MYO5B: variants seen among roughly 807,000 people sequenced by gnomAD.
MYO5B encodes the protein unconventional myosin-Vb.
MYO5B carries 143 observed loss-of-function variants against 229.3 expected under a neutral mutation model. That is an observed-to-expected ratio of 0.62 (90% CI 0.54 to 0.72). The LOEUF is 0.72. Among genes scored for constraint, MYO5B ranks in the 30% least tolerant of loss-of-function variants. The pLI is 0.00. For synonymous variants in MYO5B, 918 were observed against 885.2 expected, an observed-to-expected ratio of 1.04 and a Z score of -0.66; for missense variants, 2,321 against 2,331.0, an observed-to-expected ratio of 1.00 and a Z score of 0.09.
intron 14 of MYO5B, among the ~76,000 whole-genome samples, chr18:49,939,148 C>CTTTTTTTTTT (rs11313115): frequency 1.4e-4 from 17 of 119,044 alleles, no homozygotes; most frequent in East Asian, 4.7e-4. Context: ...TCTTTTTTTT[C>CTTTTTTTTTT]TTTTTTTTTT....
intron 39 of MYO5B, among the ~76,000 whole-genome samples, chr18:49,829,498 G>T (rs9950598): frequency 0.025 from 3,770 of 152,246 alleles, 142 homozygotes; most frequent in South Asian, 0.12. Flanking sequence ...CCCAAGATGG[G>T]CTTCACTGGT....
At chr18:49,901,382 G>A (rs914330056) in intron 21 of MYO5B, among the ~76,000 whole-genome samples, 5 of 152,170 alleles carry the variant, frequency 3.3e-5, no homozygotes, top group East Asian at 3.8e-4. Flanking sequence ...TGCTTGTCTC[G>A]AATCTCTTGT....
At chr18:50,124,578 C>T (rs138782815) in intron 1 of MYO5B, among the ~76,000 whole-genome samples, 1 of 151,956 alleles carries the variant, frequency 6.6e-6, no homozygotes, top group Admixed American at 6.6e-5. Flanking sequence ...AGAATAATAC[C>T]CTGTAACTAG....
chr18:50,122,643 G>A (rs1437209446), intron 1 of MYO5B, among the ~76,000 whole-genome samples: 15 of 2,788 alleles, frequency 5.4e-3, no homozygotes, highest in Non-Finnish European at 0.028. Context: ...GGGAGAGAGA[G>A]AGAGAGAGAG....
At chr18:50,046,281 A>C (rs1414200458) in intron 2 of MYO5B, among the ~76,000 whole-genome samples, 1 of 152,164 alleles carries the variant, frequency 6.6e-6, no homozygotes, top group Non-Finnish European at 1.5e-5. Context: ...GATAACCTAC[A>C]TCCCATCCCA....
intron 14 of MYO5B, among the ~76,000 whole-genome samples, chr18:49,952,128 C>T (rs56984587): frequency 0.13 from 19,675 of 152,222 alleles, 1,373 homozygotes; most frequent in South Asian, 0.22. Flanking sequence ...CTAAACCCCT[C>T]ACCACGTGAT....
In MYO5B at chr18:50,001,991, G is replaced by A. The variant is rs139751844; in HGVS notation, c.456-580C>T. Among the ~76,000 whole-genome samples the A allele has an allele frequency of 5.1e-4, 74 of 143,958 alleles. 1 individual carries two copies. The East Asian group carries it at 0.014, about 28-fold the overall frequency. The allele number at this position is 143,958 out of a possible 152,430, so 94.4% of individuals were successfully genotyped here. A position where few individuals can be genotyped will look rare whatever the true frequency, so the allele number is the denominator to read the frequency against. On this transcript the variant is annotated intron_variant, in intron 4 of 39. Coordinates refer to ENST00000285039, the MANE Select transcript of MYO5B (RefSeq NM_001080467.3). The stretch of plus-strand genomic sequence containing the variant: ...GCAGAGGTTGCAGTGAGCCGAGATC[G>A]TGCCACTGCACTCCAGCGTGGGCAA...
chr18:49,946,951 C>T (rs566366494), intron 14 of MYO5B, among the ~76,000 whole-genome samples: 64 of 145,628 alleles, frequency 4.4e-4, no homozygotes, highest in African/African-American at 1.6e-3. Context: ...GGGCTGTAGA[C>T]ATCCGCAAAA....
chr18:49,970,436 T>G (rs891690160), intron 10 of MYO5B, among the ~76,000 whole-genome samples: 1 of 152,148 alleles, frequency 6.6e-6, no homozygotes, highest in Non-Finnish European at 1.5e-5. Flanking sequence ...ACCACAGTCA[T>G]GGTGGAAGCA....
intron 1 of MYO5B, among the ~76,000 whole-genome samples, chr18:50,168,728 C>CA (rs2032888785): frequency 1.6e-5 from 2 of 127,032 alleles, no homozygotes; most frequent in African/African-American, 6.0e-5. Context: ...CTTAAGTGTC[C>CA]AAAACACTCA....
At chr18:49,919,601 C>T (rs779400845) in intron 17 of MYO5B, among the ~76,000 whole-genome samples, 2 of 152,136 alleles carry the variant, frequency 1.3e-5, no homozygotes, top group Non-Finnish European at 2.9e-5. Flanking sequence ...ATCAGGAAAA[C>T]GCCAATCAAA....
At chr18:50,036,705 G>T in intron 4 of MYO5B, 145 bp downstream of exon 4, 1 of 904,824 alleles carries the variant, frequency 1.1e-6, no homozygotes, top group East Asian at 2.6e-5. Flanking sequence ...GTAGGCAGTA[G>T]AACTTGGGCT....
At chr18:49,840,337 T>A (rs1415312024) in intron 35 of MYO5B, 1 of 152,266 alleles carries the variant, frequency 6.6e-6, no homozygotes. Flanking sequence ...TCTTTAACCT[T>A]TGGCCCATCT....
intron 2 of MYO5B, among the ~76,000 whole-genome samples, chr18:50,053,632 G>T (rs2030463021): frequency 1.3e-5 from 2 of 150,960 alleles, no homozygotes; most frequent in Admixed American, 1.3e-4. Context: ...GCTAGCGAAA[G>T]CTGCCTACTA....
intron 1 of MYO5B, among the ~76,000 whole-genome samples, chr18:50,057,679 C>A (rs944355692): frequency 6.6e-6 from 1 of 152,170 alleles, no homozygotes; most frequent in Non-Finnish European, 1.5e-5. Context: ...ACTGAGAGCA[C>A]CTGGTAGGCA....
chr18:49,843,269 G>A lies in MYO5B; in HGVS notation c.4583C>T (p.Thr1528Ile), dbSNP rs2024082749. The change falls in exon 34 of 40, where the codon ACC becomes ATC. Residue 1528 changes from threonine (T) to isoleucine (I), a missense_variant. Physicochemically the swap from Thr to Ile is moderately conservative, Grantham distance 89 (BLOSUM62 -1). Around this residue, in one of 2 missense-constraint regions of MYO5B, gnomAD observed 2,113 missense variants for 2,044.7 expected, o/e 1.03. Coordinates refer to ENST00000285039, the MANE Select transcript of MYO5B (RefSeq NM_001080467.3). ...DLKVHSLLTS[T>I]INGIKKVLKK... ...CAGGACTTTCTTAATGCCGTTGATG[G>A]TGGAGGTCAGCAGGGAGTGCACCTT... is the stretch of plus-strand genomic sequence containing the variant. 6.2e-7 allele frequency: 1 copy of A among 1,614,172 alleles called. No homozygotes were observed. Among genetic ancestry groups the A allele is most frequent in the African/African-American group, 1.3e-5 (1 of 75,022 alleles).
intron 10 of MYO5B, among the ~76,000 whole-genome samples, chr18:49,968,144 G>C (rs1470046425): frequency 1.3e-5 from 2 of 152,136 alleles, no homozygotes; most frequent in Non-Finnish European, 2.9e-5. Context: ...ACTAGTACAT[G>C]AGAGCCTCCC....
chr18:50,097,208 T>TC (rs2031568299), intron 1 of MYO5B: 1 of 456,670 alleles, frequency 2.2e-6, no homozygotes, highest in East Asian at 7.0e-5. Context: ...ACAGATGTCA[T>TC]CACTCCCACC....
chr18:49,901,941 A>C (rs1016162098), intron 21 of MYO5B, among the ~76,000 whole-genome samples: 1 of 152,204 alleles, frequency 6.6e-6, no homozygotes, highest in Non-Finnish European at 1.5e-5. Context: ...CGCCAGCCCC[A>C]TACCCCACAC....
Sources: allele counts gnomAD v4.1 joint callset (sites outside exome capture counted in the v4.1 genomes callset), GRCh38; gene constraint gnomAD v4.1.1; regional missense constraint gnomAD v4.1.1; transcripts MANE v1.5; gene names NCBI Gene and HGNC (gene_info 2026-07-23, HGNC 2026-07-21).